Variants in GAB4 observed in about 807,000 individuals in gnomAD.
The protein encoded by GAB4 is GRB2 associated binding protein family member 4.
In GAB4, 26 loss-of-function variants were observed where a neutral mutation model predicts 51.3. That is an observed-to-expected ratio of 0.51 (90% CI 0.37 to 0.70). The LOEUF (loss-of-function observed/expected upper bound fraction) is 0.70, where lower values mean the gene tolerates loss of function less well. Among genes scored for constraint, GAB4 ranks in the 30% least tolerant of loss-of-function variants. GAB4 has a pLI of 0.00. For synonymous variants in GAB4, 329 were observed against 291.2 expected, an observed-to-expected ratio of 1.13 and a Z score of -1.32; for missense variants, 759 against 734.6, an observed-to-expected ratio of 1.03 and a Z score of -0.38.
At chr22:16,992,803 C>T (rs2060924158) in intron 1 of GAB4, among the ~76,000 whole-genome samples, 1 of 152,130 alleles carries the variant, frequency 6.6e-6, no homozygotes, top group Admixed American at 6.5e-5. Context: ...CTCACTGCAG[C>T]CTCTAATTCC....
chr22:17,002,764 C>T (rs1047088200), intron 1 of GAB4, among the ~76,000 whole-genome samples: 2 of 152,074 alleles, frequency 1.3e-5, no homozygotes, highest in African/African-American at 4.8e-5. Flanking sequence ...CAACATGGCA[C>T]ACGTATACAT....
chr22:16,997,781 C>A (rs9941914), intron 1 of GAB4, among the ~76,000 whole-genome samples: 5,029 of 152,206 alleles, frequency 0.033, 285 homozygotes, highest in African/African-American at 0.11. Flanking sequence ...GGTTTTAGGT[C>A]TAACATTTAA....
chr22:17,007,866 G>T, intron 1 of GAB4, 75 bp downstream of exon 1: 1 of 1,381,504 alleles, frequency 7.2e-7, no homozygotes. Context: ...GACCCAGGCC[G>T]CCTCCCCCAC....
chr22:16,985,359 A>G (rs11702971), intron 3 of GAB4, among the ~76,000 whole-genome samples: 3,365 of 152,356 alleles, frequency 0.022, 58 homozygotes, highest in Middle Eastern at 0.068. Flanking sequence ...TCATACGGCT[A>G]GTAATTTTTC....
At chr22:16,973,058 T>G (rs896059226) in intron 3 of GAB4, among the ~76,000 whole-genome samples, 4 of 152,218 alleles carry the variant, frequency 2.6e-5, no homozygotes, top group Non-Finnish European at 4.4e-5. Context: ...CTGAGGTCCC[T>G]CTGGCAAGCT....
At chr22:16,966,977 C>G (rs2060681195) in intron 5 of GAB4, 1 of 152,956 alleles carries the variant, frequency 6.5e-6, no homozygotes, top group South Asian at 2.1e-4. Context: ...TAAGAGTTCA[C>G]TACATGGGGA....
intron 3 of GAB4, among the ~76,000 whole-genome samples, chr22:16,971,724 G>A (rs2060733650): frequency 1.3e-5 from 2 of 152,174 alleles, no homozygotes; most frequent in South Asian, 4.1e-4. Context: ...ACCAATCCAT[G>A]GAACTGCCTC....
chr22:16,962,747 C>A lies in GAB4; in HGVS notation c.1711G>T (p.Gly571Cys), dbSNP rs868332815. 12 of 1,611,916 alleles carry A rather than the reference C, an allele frequency of 7.4e-6. No homozygotes were observed. Among genetic ancestry groups the A allele is most frequent in the Non-Finnish European group, 1.0e-5 (12 of 1,179,632 alleles). ...GGTGGCCCGAGTCACAGCTTGGCGC[C>A]CCTGGGAGGCTCTGAGGACTGCCGC... is the stretch of plus-strand genomic sequence containing the variant. Reference protein sequence around the residue: ...CLRQSSEPPRGAKL With the variant: ...CLRQSSEPPRCAKL The change falls in exon 10 of 10, where the codon GGC (glycine) becomes TGC (cysteine). Residue 571 changes from glycine (G) to cysteine (C), a missense_variant. Gly to Cys is a radical substitution (Grantham distance 159, BLOSUM62 -3). Transcript: ENST00000400588.
chr22:17,004,090 C>T (rs1569113815), intron 1 of GAB4, among the ~76,000 whole-genome samples: 1 of 152,140 alleles, frequency 6.6e-6, no homozygotes, highest in East Asian at 1.9e-4. Context: ...GGATAAATTC[C>T]TGGACACATA....
At chr22:16,998,822 C>T (rs188696489) in intron 1 of GAB4, among the ~76,000 whole-genome samples, 1 of 151,952 alleles carries the variant, frequency 6.6e-6, no homozygotes, top group African/African-American at 2.4e-5. Flanking sequence ...TACATCCCAT[C>T]TAGTTCATTG....
At chr22:16,980,402 A>G (rs2060817695) in intron 3 of GAB4, among the ~76,000 whole-genome samples, 1 of 152,220 alleles carries the variant, frequency 6.6e-6, no homozygotes, top group African/African-American at 2.4e-5. Flanking sequence ...ACAAACATGA[A>G]AAAAAGCTCA....
At chr22:16,964,944 G>A in intron 7 of GAB4, 82 bp from the exon 8 acceptor site, 2 of 1,050,270 alleles carry the variant, frequency 1.9e-6, no homozygotes, top group Admixed American at 2.2e-5. Context: ...GCTGGGCCCT[G>A]ACTTCAAGCA....
intron 8 of GAB4, 35 bp from the exon 9 acceptor site, chr22:16,963,864 T>C: frequency 6.5e-7 from 1 of 1,541,858 alleles, no homozygotes; most frequent in Non-Finnish European, 9.0e-7. Flanking sequence ...TGCAAATGAG[T>C]TCAGGACACA....
intron 3 of GAB4, among the ~76,000 whole-genome samples, chr22:16,975,636 T>C (rs577430888): frequency 2.6e-5 from 4 of 152,282 alleles, no homozygotes; most frequent in African/African-American, 9.6e-5. Context: ...GCAGCATATC[T>C]CCCAGCACAA....
chr22:16,992,501 G>A lies in GAB4; in HGVS notation c.175-325C>T, dbSNP rs182759040. 1.8e-3 allele frequency among the ~76,000 whole-genome samples: 268 copies of A among 152,288 alleles called. 1 individual carries two copies. The highest frequency in any genetic ancestry group is 6.3e-3 in the African/African-American group (262 of 41,562). On this transcript the variant is annotated intron_variant, in intron 1 of 9. Transcript: ENST00000400588. ...ATGCATAGCACTTTTAGACAGAGTA[G>A]AACTCTCAAAGCCACAACACCTTAG... is the stretch of plus-strand genomic sequence containing the variant.
chr22:16,983,018 C>T (rs140682632), intron 3 of GAB4, among the ~76,000 whole-genome samples: 483 of 152,330 alleles, frequency 3.2e-3, no homozygotes, highest in African/African-American at 0.011. Context: ...GACTTGCTGG[C>T]TCCTTGCTTC....
rs2060917785 is a variant in GAB4, at chr22:16,991,975, T to G, written c.376A>C (p.Ser126Arg). 1.9e-6 allele frequency: 3 copies of G among 1,614,066 alleles called. No individual in the cohort carries two copies. Among genetic ancestry groups the G allele is most frequent in the Non-Finnish European group, 2.5e-6 (3 of 1,179,988 alleles). ...QKGYMFDIKT[S>R]ERTFYLVAET... Reference sequence around the variant, plus strand: ...GCCACCAGGTAAAAGGTACGCTCACTGGTCTTGATGTCAAACATATAGCCC... The same window carrying G: ...GCCACCAGGTAAAAGGTACGCTCACGGGTCTTGATGTCAAACATATAGCCC... The change falls in exon 2 of 10, where the codon AGT (serine) becomes CGT (arginine). Residue 126 changes from serine to arginine, a missense_variant. Ser to Arg is a moderately radical substitution (Grantham distance 110). Around this residue, in one of 3 missense-constraint regions of GAB4, gnomAD observed 88 missense variants for 151.3 expected, o/e 0.58. Coordinates refer to ENST00000400588, the MANE Select transcript of GAB4 (RefSeq NM_001037814.1).
intron 8 of GAB4, among the ~76,000 whole-genome samples, chr22:16,964,557 C>T (rs2060655211): frequency 6.6e-6 from 1 of 152,190 alleles, no homozygotes; most frequent in Non-Finnish European, 1.5e-5. Flanking sequence ...CTTCAAGTTC[C>T]AGACTTCCTT....
intron 3 of GAB4, among the ~76,000 whole-genome samples, chr22:16,986,125 G>C (rs1329957667): frequency 2.6e-5 from 4 of 152,196 alleles, no homozygotes; most frequent in African/African-American, 9.6e-5. Context: ...TTTTGCTTCA[G>C]CTGTGTCATG....
Sources: allele counts gnomAD v4.1 joint callset (sites outside exome capture counted in the v4.1 genomes callset), GRCh38; gene constraint gnomAD v4.1.1; regional missense constraint gnomAD v4.1.1; transcripts MANE v1.5; gene names NCBI Gene and HGNC (gene_info 2026-07-23, HGNC 2026-07-21).